Variants in BMPER observed in about 807,000 individuals in gnomAD.
BMPER encodes BMP-binding endothelial regulator protein.
In BMPER, 45 loss-of-function variants were observed where a neutral mutation model predicts 87.3. The observed-to-expected ratio is 0.52, with a 90% CI of 0.41 to 0.66. The LOEUF (loss-of-function observed/expected upper bound fraction) is 0.66, where lower values mean the gene tolerates loss of function less well. Among genes scored for constraint, BMPER ranks in the 30% least tolerant of loss-of-function variants. The probability of loss-of-function intolerance (pLI) is 0.00; values close to 1 mark genes in which losing one functional copy is unlikely to be tolerated. For synonymous variants in BMPER, 326 were observed against 316.2 expected (o/e 1.03, Z -0.33); for missense variants, 784 against 867.5 (o/e 0.90, Z 1.21).
chr7:34,079,143 C>T lies in BMPER; in HGVS notation c.1365C>T (p.His455=), dbSNP rs748130726. The T allele has an allele frequency of 3.1e-6, 5 of 1,613,878 alleles. No individual in the cohort carries two copies. In the African/African-American group the frequency reaches 5.3e-5, roughly 17 times the overall value. The change falls in exon 12 of 15, where the codon CAC becomes CAT. Residue 455 remains histidine (H), a synonymous_variant. Transcript: ENST00000649409. ...TCCCCTGCCGCGCGCCACACTTCCA[C>T]ATCGACCTGGATGGCTACCTCTTGA... ...IALPCRAPHF[H]IDLDGYLLKV...
chr7:34,075,485 CATATGT>C (rs1194438042), intron 11 of BMPER, among the ~76,000 whole-genome samples: 2 of 152,104 alleles, frequency 1.3e-5, no homozygotes, highest in Non-Finnish European at 2.9e-5. Flanking sequence ...CATTTGTATC[CATATGT>C]TGAAAACAAC....
intron 13 of BMPER, among the ~76,000 whole-genome samples, chr7:34,103,822 A>G (rs75879079): frequency 0.014 from 2,182 of 152,276 alleles, 30 homozygotes; most frequent in Non-Finnish European, 0.024. Context: ...AAAAAGGAAA[A>G]CAGAGAACCA....
chr7:34,112,557 A>G (rs569369916), intron 13 of BMPER, among the ~76,000 whole-genome samples: 1 of 149,610 alleles, frequency 6.7e-6, no homozygotes, highest in South Asian at 2.1e-4. Flanking sequence ...TCATCCAGAG[A>G]ACTGGTTTTT....
rs1265965902 is a variant in BMPER, at chr7:34,079,025, C to G, written c.1247C>G (p.Ser416Trp). The stretch of plus-strand genomic sequence containing the variant: ...GACGCCCGCCGGACACGCTCCTTCT[C>G]GTGGACCAAGTCGGTGGAGCTGGTG... ...KNDARRTRSF[S>W]WTKSVELVLG... Residue 416 changes from serine to tryptophan, a missense_variant, in exon 12 of 15, where the codon TCG becomes TGG. Ser to Trp is a radical substitution (Grantham distance 177). Transcript: ENST00000649409. The G allele has an allele frequency of 5.0e-6, 8 of 1,614,248 alleles. No homozygotes were observed. Among genetic ancestry groups the G allele is most frequent in the Non-Finnish European group, 6.8e-6 (8 of 1,180,040 alleles).
At chr7:34,064,182 T>C (rs1788515238) in intron 11 of BMPER, among the ~76,000 whole-genome samples, 1 of 152,068 alleles carries the variant, frequency 6.6e-6, no homozygotes. Flanking sequence ...TCCCAGCTAC[T>C]TGGGAGGCTG....
At chr7:33,998,747 A>C (rs1331626146) in intron 6 of BMPER, among the ~76,000 whole-genome samples, 1 of 152,222 alleles carries the variant, frequency 6.6e-6, no homozygotes, top group Non-Finnish European at 1.5e-5. Context: ...TGTGCAGCCA[A>C]ACAGTGTGAT....
chr7:34,102,440 T>C (rs868264255), intron 13 of BMPER, among the ~76,000 whole-genome samples: 3 of 152,262 alleles, frequency 2.0e-5, no homozygotes, highest in South Asian at 2.1e-4. Flanking sequence ...ATGCAAATCA[T>C]TGGCCCCACA....
At chr7:34,008,749 G>A (rs1259916503) in intron 6 of BMPER, among the ~76,000 whole-genome samples, 2 of 151,958 alleles carry the variant, frequency 1.3e-5, no homozygotes, top group Non-Finnish European at 2.9e-5. Context: ...TCTCTATCAT[G>A]CACGGGACTG....
At chr7:33,994,319 G>A (rs967408411) in intron 6 of BMPER, among the ~76,000 whole-genome samples, 8 of 152,316 alleles carry the variant, frequency 5.3e-5, no homozygotes, top group South Asian at 2.1e-4. Flanking sequence ...ATATAATCTC[G>A]TGATGCGCTG....
chr7:34,121,550 C>G (rs1336456036), intron 13 of BMPER, among the ~76,000 whole-genome samples: 1 of 152,156 alleles, frequency 6.6e-6, no homozygotes. Context: ...TTCTCCTTGA[C>G]CTCTTGGGAG....
rs182709006 is a variant in BMPER, at chr7:34,000,748, G to A, written c.576+25964G>A. Among the ~76,000 whole-genome samples the A allele has an allele frequency of 2.3e-3, 345 of 152,174 alleles. 1 individual carries two copies. The highest frequency in any genetic ancestry group is 7.3e-3 in the African/African-American group (304 of 41,552). ...GTTAGTGAAAAAATAGAAAGTTGTCGCAAAGGTATTTCTTGTCATCTTATT... is the reference window on the plus strand; with the variant it reads ...GTTAGTGAAAAAATAGAAAGTTGTCACAAAGGTATTTCTTGTCATCTTATT... On this transcript the variant is annotated intron_variant, in intron 6 of 14. Coordinates refer to ENST00000649409, the MANE Select transcript of BMPER (RefSeq NM_001365308.1).
intron 5 of BMPER, among the ~76,000 whole-genome samples, chr7:33,972,761 C>T (rs1785581930): frequency 6.6e-6 from 1 of 152,216 alleles, no homozygotes; most frequent in Non-Finnish European, 1.5e-5. Flanking sequence ...CCCACCAGCC[C>T]CCTGACACCT....
intron 13 of BMPER, among the ~76,000 whole-genome samples, chr7:34,121,173 TG>T (rs934759820): frequency 8.5e-5 from 13 of 152,086 alleles, no homozygotes; most frequent in African/African-American, 3.1e-4. Flanking sequence ...GAAGTAGGGA[TG>T]GAAGAGGCCA....
intron 3 of BMPER, among the ~76,000 whole-genome samples, chr7:33,950,185 T>C (rs979821875): frequency 2.2e-4 from 33 of 152,162 alleles, no homozygotes; most frequent in African/African-American, 8.0e-4. Flanking sequence ...ATTTTCACTT[T>C]CTAAAGTGGG....
Position 34,034,334 on chromosome 7 carries a change from G to C in BMPER, c.577-11972G>C, listed in dbSNP as rs564665177. 6.6e-5 allele frequency among the ~76,000 whole-genome samples: 10 copies of C among 152,260 alleles called. No homozygotes were observed. In the East Asian group the frequency reaches 1.9e-3, roughly 29 times the overall value. On this transcript the variant is annotated intron_variant, in intron 6 of 14. Coordinates refer to ENST00000649409, the MANE Select transcript of BMPER (RefSeq NM_001365308.1). ...CCAAATGCTGAGCATTGCTGACATA[G>C]ATCATCTTTCAGTAGGAAGATGGAG... is the stretch of plus-strand genomic sequence containing the variant.
At chr7:34,060,977 A>T (rs1286740129) in intron 10 of BMPER, among the ~76,000 whole-genome samples, 1 of 152,208 alleles carries the variant, frequency 6.6e-6, no homozygotes, top group East Asian at 1.9e-4. Flanking sequence ...ATTAGGTTTG[A>T]TTTTTGGTTC....
rs534887495 is a variant in BMPER, at chr7:34,019,591, T to C, written c.577-26715T>C. ...ATGATGTCACAGGTACAAAAGCATCTCTCTCATATCTGATGGAGTTTAGGC... is the reference window on the plus strand; with the variant it reads ...ATGATGTCACAGGTACAAAAGCATCCCTCTCATATCTGATGGAGTTTAGGC... On this transcript the variant is annotated intron_variant, in intron 6 of 14. Coordinates refer to ENST00000649409, the MANE Select transcript of BMPER (RefSeq NM_001365308.1). Among the ~76,000 whole-genome samples the C allele has an allele frequency of 1.1e-4, 17 of 152,158 alleles. No individual in the cohort carries two copies. The South Asian group carries it at 3.5e-3, about 32-fold the overall frequency.
intron 14 of BMPER, among the ~76,000 whole-genome samples, chr7:34,152,326 G>A (rs1003975703): frequency 1.3e-5 from 2 of 152,200 alleles, no homozygotes; most frequent in African/African-American, 4.8e-5. Context: ...GTCACTGGAT[G>A]TAACTCAGAT....
intron 6 of BMPER, among the ~76,000 whole-genome samples, chr7:33,992,282 T>A (rs1427564210): frequency 1.5e-5 from 2 of 135,244 alleles, no homozygotes; most frequent in Non-Finnish European, 3.1e-5. Context: ...CAGGACTTGC[T>A]TTATGAATCT....
Sources: allele counts gnomAD v4.1 joint callset (sites outside exome capture counted in the v4.1 genomes callset), GRCh38; gene constraint gnomAD v4.1.1; transcripts MANE v1.5; gene names NCBI Gene and HGNC (gene_info 2026-07-23, HGNC 2026-07-21).